KLHL32: variants seen among roughly 807,000 people sequenced by gnomAD.
The protein encoded by KLHL32 is kelch-like protein 32.
KLHL32 carries 35 observed loss-of-function variants against 64.8 expected under a neutral mutation model. The observed-to-expected ratio is 0.54, with a 90% CI of 0.41 to 0.72. The LOEUF (loss-of-function observed/expected upper bound fraction) is 0.72, where lower values mean the gene tolerates loss of function less well. KLHL32 is among the 30% of genes least tolerant of loss of function. KLHL32 has a pLI of 0.00. For missense variants in KLHL32, 589 were observed against 768.5 expected, an observed-to-expected ratio of 0.77 and a Z score of 2.76; for synonymous variants, 259 against 281.0, an observed-to-expected ratio of 0.92 and a Z score of 0.78.
chr6:97,037,544 A>G (rs1396338218), intron 3 of KLHL32, among the ~76,000 whole-genome samples: 1 of 152,232 alleles, frequency 6.6e-6, no homozygotes, highest in Non-Finnish European at 1.5e-5. Flanking sequence ...TGCCAAAAAA[A>G]GGGAAAGATA....
intron 3 of KLHL32, among the ~76,000 whole-genome samples, chr6:97,005,163 A>G (rs1239962907): frequency 6.6e-6 from 1 of 151,536 alleles, no homozygotes; most frequent in African/African-American, 2.4e-5. Flanking sequence ...TTTGGAACTC[A>G]TTTTGTCTGT....
At chr6:97,013,905 T>G (rs1780745117) in intron 3 of KLHL32, among the ~76,000 whole-genome samples, 1 of 152,200 alleles carries the variant, frequency 6.6e-6, no homozygotes, top group African/African-American at 2.4e-5. Context: ...TTTATAAATT[T>G]GTTGTCCTAA....
At chr6:97,096,673 T>A (rs902460630) in intron 6 of KLHL32, among the ~76,000 whole-genome samples, 1 of 152,276 alleles carries the variant, frequency 6.6e-6, no homozygotes, top group Non-Finnish European at 1.5e-5. Context: ...TTCCTACCAA[T>A]TGTGGTTCCC....
intron 3 of KLHL32, among the ~76,000 whole-genome samples, chr6:97,019,936 C>T (rs932770674): frequency 1.5e-5 from 2 of 133,966 alleles, no homozygotes; most frequent in Admixed American, 8.6e-5. Context: ...CCCATCACCA[C>T]TCCCGGCGAA....
At chr6:96,919,206 G>C in the KLHL32 span, among the ~76,000 whole-genome samples, 1 of 152,172 alleles carries the variant, frequency 6.6e-6, no homozygotes, top group Non-Finnish European at 1.5e-5. Context: ...TGAGCCACCA[G>C]TATCCTTCCA....
chr6:97,105,602 C>A, intron 6 of KLHL32: 1 of 439,700 alleles, frequency 2.3e-6, no homozygotes, highest in Admixed American at 2.7e-5. Context: ...GCAGAGCTAT[C>A]TGCAACCAGA....
At chr6:96,966,917 A>T in intron 1 of KLHL32, 79 bp from the exon 2 acceptor site, 3 of 656,192 alleles carry the variant, frequency 4.6e-6, no homozygotes, top group East Asian at 2.7e-5. Flanking sequence ...GAATTCAGAA[A>T]CTTTAGCATC....
chr6:96,995,017 C>T (rs1269746812), intron 3 of KLHL32, among the ~76,000 whole-genome samples: 2 of 152,220 alleles, frequency 1.3e-5, no homozygotes, highest in East Asian at 3.8e-4. Context: ...TACTCATCTT[C>T]TTCACTATCC....
At chr6:97,033,230 T>C (rs1783825921) in intron 3 of KLHL32, among the ~76,000 whole-genome samples, 1 of 152,186 alleles carries the variant, frequency 6.6e-6, no homozygotes, top group Admixed American at 6.5e-5. Context: ...TAAGTTGGTC[T>C]GAAACTAAAC....
At chr6:97,035,252 C>A (rs1631219) in intron 3 of KLHL32, among the ~76,000 whole-genome samples, 27,330 of 151,930 alleles carry the variant, frequency 0.18, 2,937 homozygotes, top group African/African-American at 0.31. Flanking sequence ...ACACTTTTAC[C>A]ACCTCCCCCA....
At chr6:96,965,667 C>A (rs1333640815) in intron 1 of KLHL32, among the ~76,000 whole-genome samples, 2 of 152,070 alleles carry the variant, frequency 1.3e-5, no homozygotes, top group African/African-American at 4.8e-5. Context: ...GAGTTTATAA[C>A]CTAGATTCTG....
chr6:96,989,574 G>T (rs1009446949), intron 3 of KLHL32, among the ~76,000 whole-genome samples: 1 of 152,016 alleles, frequency 6.6e-6, no homozygotes, highest in Non-Finnish European at 1.5e-5. Context: ...ACAACTGTGC[G>T]TCTTGGGGAT....
At chr6:97,047,453 A>G (rs1786106704) in intron 4 of KLHL32, among the ~76,000 whole-genome samples, 1 of 152,152 alleles carries the variant, frequency 6.6e-6, no homozygotes, top group South Asian at 2.1e-4. Context: ...TTTTGGGAGC[A>G]AGGTTGGAAG....
At chr6:97,105,456 G>A (rs747823371) in intron 6 of KLHL32, 1 of 471,088 alleles carries the variant, frequency 2.1e-6, no homozygotes, top group South Asian at 1.5e-5. Flanking sequence ...TGTGGAATTT[G>A]TGCTGCCTTT....
intron 6 of KLHL32, among the ~76,000 whole-genome samples, chr6:97,093,237 G>A (rs1006840425): frequency 7.9e-5 from 12 of 152,142 alleles, no homozygotes; most frequent in African/African-American, 2.4e-4. Flanking sequence ...TGAGGCTAGC[G>A]TAGAAGTCCA....
chr6:96,991,827 G>A (rs1012462670), intron 3 of KLHL32, among the ~76,000 whole-genome samples: 1 of 152,138 alleles, frequency 6.6e-6, no homozygotes, highest in African/African-American at 2.4e-5. Flanking sequence ...CAAGGTCGCA[G>A]ATCTAGAGGC....
Position 97,113,825 on chromosome 6 carries a change from A to G in KLHL32, c.670A>G (p.Met224Val), listed in dbSNP as rs1797501799. Reference protein sequence around the residue: ...WLEHNCHYQYMDELLQYIRFG... With the variant: ...WLEHNCHYQYVDELLQYIRFG... The stretch of plus-strand genomic sequence containing the variant: ...GGAACACAACTGCCACTACCAGTAC[A>G]TGGACGAGCTCCTGCAATACATCCG... The change falls in exon 7 of 11, where the codon ATG becomes GTG. Residue 224 changes from methionine (M) to valine (V), a missense_variant. By Grantham distance (21) the Met-to-Val change is conservative. Around this residue, in one of 3 missense-constraint regions of KLHL32, gnomAD observed 226 missense variants for 353.2 expected, o/e 0.64. Coordinates refer to ENST00000369261, the MANE Select transcript of KLHL32 (RefSeq NM_052904.4). 6.2e-7 allele frequency: 1 copy of G among 1,614,112 alleles called. No individual in the cohort carries two copies. Among genetic ancestry groups the G allele is most frequent in the South Asian group, 1.1e-5 (1 of 91,078 alleles).
In KLHL32 at chr6:97,019,115, C is replaced by G. The variant is rs144017841; in HGVS notation, c.205-22377C>G. ...CTAGCCTCCTCCTATCATATACTTG[C>G]AATTGTAAAAAATACTCTTAAAAGT... On this transcript the variant is annotated intron_variant, in intron 3 of 10. Transcript: ENST00000369261. 5.9e-5 allele frequency among the ~76,000 whole-genome samples: 9 copies of G among 152,148 alleles called. No homozygotes were observed. The East Asian group carries it at 1.7e-3, about 29-fold the overall frequency.
intron 1 of KLHL32, among the ~76,000 whole-genome samples, chr6:96,960,169 A>T (rs1242586758): frequency 6.6e-6 from 1 of 152,186 alleles, no homozygotes; most frequent in Non-Finnish European, 1.5e-5. Flanking sequence ...AGGTTTTATC[A>T]TCTTCATCAT....
Sources: allele counts gnomAD v4.1 joint callset (sites outside exome capture counted in the v4.1 genomes callset), GRCh38; gene constraint gnomAD v4.1.1; regional missense constraint gnomAD v4.1.1; transcripts MANE v1.5; gene names NCBI Gene and HGNC (gene_info 2026-07-23, HGNC 2026-07-21).